Variants in PRIMA1 observed in about 807,000 individuals in gnomAD.
PRIMA1 encodes the protein proline-rich membrane anchor 1.
A neutral mutation model predicts 17.5 loss-of-function variants in PRIMA1; 7 were observed. The ratio of observed to expected loss-of-function variants is 0.40; its 90% CI spans 0.23 to 0.75. PRIMA1 has a LOEUF of 0.75. Ranked by LOEUF, PRIMA1 falls within the 30% of genes least tolerant of loss-of-function variation. PRIMA1 has a pLI of 0.37. For synonymous variants in PRIMA1, 97 were observed against 77.9 expected (o/e 1.25, Z -1.29); for missense variants, 200 against 201.8 (o/e 0.99, Z 0.05).
chr14:93,787,551 G>A, intron 2 of PRIMA1, 75 bp downstream of exon 2: 1 of 1,533,136 alleles, frequency 6.5e-7, no homozygotes, highest in Non-Finnish European at 8.7e-7. Flanking sequence ...AGAGGCCAGG[G>A]TCTCAGGAGG....
rs1885558410 is a variant in PRIMA1 at position 93,787,567 on chromosome 14, G to C, written c.93+59C>G. On this transcript the variant is annotated intron_variant, in intron 2 of 4. Coordinates refer to ENST00000393140, the MANE Select transcript of PRIMA1 (RefSeq NM_178013.4). Reference sequence around the variant, plus strand: ...GAGGCCAGGGTCTCAGGAGGGAAGGGACAGCTCGCCCCTTACCCAGGAGGC... The same window carrying C: ...GAGGCCAGGGTCTCAGGAGGGAAGGCACAGCTCGCCCCTTACCCAGGAGGC... 4 of 1,536,136 alleles carry C rather than the reference G, an allele frequency of 2.6e-6. No homozygotes were observed. The South Asian group carries it at 4.8e-5, about 18-fold the overall frequency.
At chr14:93,728,372 G>A (rs767005483) in intron 4 of PRIMA1, among the ~76,000 whole-genome samples, 12 of 152,188 alleles carry the variant, frequency 7.9e-5, no homozygotes, top group African/African-American at 2.2e-4. Context: ...ACAGGTCAGC[G>A]AGGTCCAGGG....
In PRIMA1 at chr14:93,719,266, G is replaced by A. The variant is rs1465460061; in HGVS notation, c.*2178C>T. On this transcript the variant is annotated 3_prime_UTR_variant, in exon 5 of 5. Coordinates refer to ENST00000393140, the MANE Select transcript of PRIMA1 (RefSeq NM_178013.4). ...GGCTCAGCTGATTCCTCACCAGGGAGCCTCGCCTGGGGCTGGAAGATTAGG... is the reference window on the plus strand; with the variant it reads ...GGCTCAGCTGATTCCTCACCAGGGAACCTCGCCTGGGGCTGGAAGATTAGG... 1 of 152,226 alleles carries A rather than the reference G, an allele frequency of 6.6e-6. No individual in the cohort carries two copies. Among genetic ancestry groups the A allele is most frequent in the Non-Finnish European group, 1.5e-5 (1 of 68,052 alleles). The allele number at this position is 152,226 out of a possible 1,614,324, so 9.4% of individuals were successfully genotyped here. A position where few individuals can be genotyped will look rare whatever the true frequency, so the allele number is the denominator to read the frequency against.
chr14:93,766,155 T>C (rs1431321288), intron 3 of PRIMA1, among the ~76,000 whole-genome samples: 2 of 152,200 alleles, frequency 1.3e-5, no homozygotes, highest in Non-Finnish European at 2.9e-5. Context: ...GCTCATCTAC[T>C]CTTGACACTA....
chr14:93,777,393 G>A (rs1019823990), intron 3 of PRIMA1, among the ~76,000 whole-genome samples: 1 of 152,172 alleles, frequency 6.6e-6, no homozygotes, highest in Non-Finnish European at 1.5e-5. Flanking sequence ...CTGGAGTGCA[G>A]TGGCGCAATC....
At chr14:93,743,791 T>A (rs1452160975) in intron 3 of PRIMA1, among the ~76,000 whole-genome samples, 1 of 152,206 alleles carries the variant, frequency 6.6e-6, no homozygotes, top group African/African-American at 2.4e-5. Context: ...GTCCTCAGCG[T>A]GTGCAGGGGT....
At chr14:93,736,215 G>A (rs1344631998) in intron 4 of PRIMA1, among the ~76,000 whole-genome samples, 3 of 152,184 alleles carry the variant, frequency 2.0e-5, no homozygotes, top group African/African-American at 7.2e-5. Context: ...AACACGGTGT[G>A]TAGTCAGGGC....
rs367547463 is a variant in PRIMA1 at position 93,749,159 on chromosome 14, T to C, written c.230-11789A>G. Reference sequence around the variant, plus strand: ...CCTGGCCCTTGGTCCCCTCCCCAGATCTGCCAGGCCTTCTGTTCCCACCAG... The same window carrying C: ...CCTGGCCCTTGGTCCCCTCCCCAGACCTGCCAGGCCTTCTGTTCCCACCAG... On this transcript the variant is annotated intron_variant, in intron 3 of 4. Coordinates refer to ENST00000393140, the MANE Select transcript of PRIMA1 (RefSeq NM_178013.4). 8.2e-4 allele frequency among the ~76,000 whole-genome samples: 125 copies of C among 152,310 alleles called. 3 individuals carry two copies. In the South Asian group the frequency reaches 0.023, roughly 28 times the overall value.
At chr14:93,782,498 A>G (rs112402201) in intron 2 of PRIMA1, among the ~76,000 whole-genome samples, 1,598 of 151,338 alleles carry the variant, frequency 0.011, 23 homozygotes, top group African/African-American at 0.037. Flanking sequence ...GCACATGCCT[A>G]TAGACCCAGC....
intron 3 of PRIMA1, among the ~76,000 whole-genome samples, chr14:93,754,274 C>A (rs2076277750): frequency 6.6e-6 from 1 of 152,168 alleles, no homozygotes; most frequent in African/African-American, 2.4e-5. Flanking sequence ...TCTTCACAAT[C>A]CCAATTGTGG....
intron 3 of PRIMA1, among the ~76,000 whole-genome samples, chr14:93,773,757 C>A (rs1203984532): frequency 2.0e-5 from 3 of 152,148 alleles, no homozygotes; most frequent in Non-Finnish European, 4.4e-5. Context: ...GCCAAGCTGC[C>A]CTCTCCAGCA....
intron 4 of PRIMA1, among the ~76,000 whole-genome samples, chr14:93,730,028 T>C (rs1362824428): frequency 6.6e-6 from 1 of 152,000 alleles, no homozygotes; most frequent in Non-Finnish European, 1.5e-5. Flanking sequence ...CTCACCCAGA[T>C]AGAGAAAAAA....
At chr14:93,746,877 G>A (rs922970780) in intron 3 of PRIMA1, among the ~76,000 whole-genome samples, 2 of 152,172 alleles carry the variant, frequency 1.3e-5, no homozygotes, top group Non-Finnish European at 2.9e-5. Context: ...GGCTGTGCTT[G>A]TGGGAGGAGG....
chr14:93,739,532 C>A (rs1006096716), intron 3 of PRIMA1, among the ~76,000 whole-genome samples: 2 of 152,100 alleles, frequency 1.3e-5, no homozygotes, highest in East Asian at 3.8e-4. Flanking sequence ...GTATGATAAA[C>A]TTTAGAAGGA....
chr14:93,773,387 T>G (rs1243868410), intron 3 of PRIMA1, among the ~76,000 whole-genome samples: 2 of 152,224 alleles, frequency 1.3e-5, no homozygotes, highest in African/African-American at 4.8e-5. Flanking sequence ...AGTGTGCTCC[T>G]ACGACCAACA....
intron 2 of PRIMA1, among the ~76,000 whole-genome samples, chr14:93,781,772 C>T (rs534488997): frequency 6.0e-5 from 9 of 149,670 alleles, no homozygotes; most frequent in African/African-American, 1.5e-4. Flanking sequence ...GTCAGGAGTT[C>T]GAGACCAGCC....
intron 4 of PRIMA1, chr14:93,725,986 G>C (rs1299713622): frequency 2.2e-6 from 1 of 456,446 alleles, no homozygotes; most frequent in Non-Finnish European, 4.4e-6. Context: ...GCCACAGAGG[G>C]CTCCCTAGAT....
chr14:93,768,627 C>T (rs1884962296), intron 3 of PRIMA1, among the ~76,000 whole-genome samples: 1 of 152,060 alleles, frequency 6.6e-6, no homozygotes, highest in African/African-American at 2.4e-5. Context: ...CATGGCACAA[C>T]CTTGGTAAAT....
Position 93,726,804 on chromosome 14 carries a change from ACTT to A in PRIMA1, c.360-5261_360-5259del, listed in dbSNP as rs1246368659. 1.3e-5 allele frequency among the ~76,000 whole-genome samples: 2 copies of A among 152,124 alleles called. No individual in the cohort carries two copies. The highest frequency in any genetic ancestry group is 4.8e-5 in the African/African-American group (2 of 41,380). The stretch of plus-strand genomic sequence containing the variant: ...AAACAATATACACATACACACATGT[ACTT>A]CAACACACACACAATATACACATAC... On this transcript the variant is annotated intron_variant, in intron 4 of 4. Transcript: ENST00000393140. The surrounding 1 kb of genome is among the most constrained non-coding windows in gnomAD (Gnocchi z 4.2).
Sources: gnomAD v4.1 joint callset for allele counts (sites outside exome capture counted in the v4.1 genomes callset) on GRCh38, gnomAD v4.1.1 for gene constraint, Gnocchi (gnomAD v3.1) non-coding constraint, MANE v1.5 for transcripts, NCBI Gene and HGNC (gene_info 2026-07-23, HGNC 2026-07-21) for gene names.